The following KLHL11 variants were observed in gnomAD, a reference collection of about 807,000 sequenced individuals.
KLHL11 encodes kelch like family member 11.
In KLHL11, 26 loss-of-function variants were observed where a neutral mutation model predicts 56.1. The observed-to-expected ratio is 0.46, with a 90% CI of 0.34 to 0.64. The LOEUF is 0.64. Ranked by LOEUF, KLHL11 falls within the 30% of genes least tolerant of loss-of-function variation. The pLI is 0.01. For missense variants in KLHL11, 627 were observed against 919.4 expected (o/e 0.68, Z 4.11); for synonymous variants, 338 against 345.8 (o/e 0.98, Z 0.25).
At chr17:41,859,750 G>A (rs1555622902) in intron 1 of KLHL11, among the ~76,000 whole-genome samples, 2 of 151,960 alleles carry the variant, frequency 1.3e-5, no homozygotes, top group Non-Finnish European at 2.9e-5. Context: ...GCATGTGTAG[G>A]TTAAAAAACA....
intron 1 of KLHL11, among the ~76,000 whole-genome samples, chr17:41,863,715 T>C (rs1298268502): frequency 5.3e-5 from 8 of 152,162 alleles, no homozygotes; most frequent in Admixed American, 4.6e-4. Flanking sequence ...CCCACTGTTC[T>C]CTAACATACA....
intron 1 of KLHL11, among the ~76,000 whole-genome samples, chr17:41,860,826 C>T (rs2048397860): frequency 6.6e-6 from 1 of 152,114 alleles, no homozygotes; most frequent in African/African-American, 2.4e-5. Context: ...TGCAGTCCAA[C>T]CATTCCAATT....
At chr17:41,861,499 G>C (rs930196373) in intron 1 of KLHL11, among the ~76,000 whole-genome samples, 3 of 151,842 alleles carry the variant, frequency 2.0e-5, no homozygotes, top group African/African-American at 7.3e-5. Flanking sequence ...CAGCCTGGCC[G>C]ATACAGTGAA....
At chr17:41,859,746 G>A (rs1189690150) in intron 1 of KLHL11, among the ~76,000 whole-genome samples, 1 of 152,058 alleles carries the variant, frequency 6.6e-6, no homozygotes, top group African/African-American at 2.4e-5. Flanking sequence ...CAAAGCATGT[G>A]TAGGTTAAAA....
chr17:41,855,425 T>C (rs868964857), intron 1 of KLHL11, 104 bp from the exon 2 acceptor site: 20 of 814,802 alleles, frequency 2.5e-5, no homozygotes, highest in Middle Eastern at 7.3e-4. Flanking sequence ...GCCACCCAGG[T>C]TGGAGTGCAG....
At chr17:41,862,181 C>T (rs1478217414) in intron 1 of KLHL11, among the ~76,000 whole-genome samples, 9 of 151,776 alleles carry the variant, frequency 5.9e-5, no homozygotes, top group Admixed American at 2.0e-4. Context: ...CTCCACCTCC[C>T]GGGTTCAAGC....
At chr17:41,860,235 A>G (rs2048394188) in intron 1 of KLHL11, among the ~76,000 whole-genome samples, 1 of 152,056 alleles carries the variant, frequency 6.6e-6, no homozygotes, top group African/African-American at 2.4e-5. Flanking sequence ...TTGGAGACAA[A>G]TTCCCTTAAG....
chr17:41,857,509 GAA>G (rs1247302041), intron 1 of KLHL11, among the ~76,000 whole-genome samples: 1 of 99,058 alleles, frequency 1.0e-5, no homozygotes, highest in African/African-American at 3.8e-5. Context: ...TCTGTCTCAA[GAA>G]AAAAAAAAAA....
intron 1 of KLHL11, 112 bp downstream of exon 1, chr17:41,864,714 A>C: frequency 9.0e-7 from 1 of 1,106,508 alleles, no homozygotes; most frequent in South Asian, 1.9e-5. Context: ...AAACCAATGC[A>C]TTCACTCAGG....
chr17:41,857,165 C>A lies in KLHL11; in HGVS notation c.546-1844G>T, dbSNP rs572290061. ...AAGCTATAATCGTGCCTGTGAATAG[C>A]CACTGCACTCCAGCCTGGGCAACAT... On this transcript the variant is annotated intron_variant, in intron 1 of 1. Transcript: ENST00000319121. 3.9e-5 allele frequency among the ~76,000 whole-genome samples: 6 copies of A among 152,010 alleles called. No homozygotes were observed. In the South Asian group the frequency reaches 1.2e-3, roughly 32 times the overall value.
Position 41,851,715 on chromosome 17 carries a change from C to T in KLHL11, c.*2025G>A, listed in dbSNP as rs1347587673. Among the ~76,000 whole-genome samples, 2 of 149,642 alleles carry T rather than the reference C, an allele frequency of 1.3e-5. No individual in the cohort carries two copies. Among genetic ancestry groups the T allele is most frequent in the African/African-American group, 4.9e-5 (2 of 40,654 alleles). Reference sequence around the variant, plus strand: ...GAGCCCAGGAGTTGGAGACCAGCCTCGGCAACATGGAGAAACCCCATCTCT... The same window carrying T: ...GAGCCCAGGAGTTGGAGACCAGCCTTGGCAACATGGAGAAACCCCATCTCT... On this transcript the variant is annotated 3_prime_UTR_variant, in exon 2 of 2. Coordinates refer to ENST00000319121, the MANE Select transcript of KLHL11 (RefSeq NM_018143.3).
chr17:41,855,411 C>T (rs890991361), intron 1 of KLHL11, 90 bp from the exon 2 acceptor site: 2 of 930,382 alleles, frequency 2.1e-6, no homozygotes, highest in Admixed American at 5.6e-5. Context: ...CAGGGTCTCA[C>T]TCTGCCACCC....
rs1555623381 is a variant in KLHL11 at position 41,864,915 on chromosome 17, G to C, written c.456C>G (p.Asp152Glu). Residue 152 changes from aspartate (D) to glutamate (E), a missense_variant, in exon 1 of 2, where the codon GAC (aspartate) becomes GAG (glutamate). Physicochemically the swap from Asp to Glu is conservative, Grantham distance 45 (BLOSUM62 2). Coordinates refer to ENST00000319121, the MANE Select transcript of KLHL11 (RefSeq NM_018143.3). The part of the protein sequence containing the change: ...KWSSEPGPEP[D>E]TVEAVIEYMY... Reference sequence around the variant, plus strand: ...TGTACTCGATTACGGCTTCCACTGTGTCGGGTTCGGGCCCCGGCTCGGAGC... The same window carrying C: ...TGTACTCGATTACGGCTTCCACTGTCTCGGGTTCGGGCCCCGGCTCGGAGC... 1.2e-6 allele frequency: 2 copies of C among 1,610,850 alleles called. No homozygotes were observed. The highest frequency in any genetic ancestry group is 3.4e-5 in the Admixed American group (2 of 59,664).
At position 41,854,700 on chromosome 17, in the gene KLHL11, A is replaced by G; in HGVS notation, c.1167T>C (p.Asn389=). The G allele has an allele frequency of 6.2e-7, 1 of 1,614,144 alleles. No individual in the cohort carries two copies. Among genetic ancestry groups the G allele is most frequent in the Non-Finnish European group, 8.5e-7 (1 of 1,180,038 alleles). Residue 389 remains asparagine (N), a synonymous_variant, in exon 2 of 2, where the codon AAT becomes AAC. Coordinates refer to ENST00000319121, the MANE Select transcript of KLHL11 (RefSeq NM_018143.3). This position sits in a 1 kb window ranked among gnomAD's most constrained non-coding sequence, Gnocchi z 4.9. The part of the protein sequence containing the change: ...GYFVDEDRWV[N]LPHIHNHLDG... ...CGAGGTGATTATGAATATGTGGCAG[A>G]TTTACCCATCTGTCCTCATCAACAA...
rs782734335 is a variant in KLHL11 at position 41,865,068 on chromosome 17, G to A, written c.303C>T (p.Gly101=). 2.8e-5 allele frequency: 44 copies of A among 1,594,436 alleles called. No individual in the cohort carries two copies. In the Admixed American group the frequency reaches 4.3e-4, roughly 15 times the overall value. ...GLFCDITLCF[G]GAGGREFRAH... is the part of the protein sequence containing the mutation. Reference sequence around the variant, plus strand: ...CCCGGAACTCGCGGCCTCCAGCCCCGCCGAAGCACAGGGTAATGTCGCAGA... The same window carrying A: ...CCCGGAACTCGCGGCCTCCAGCCCCACCGAAGCACAGGGTAATGTCGCAGA... Residue 101 remains glycine (G), a synonymous_variant, in exon 1 of 2, where the codon GGC becomes GGT. Transcript: ENST00000319121.
At position 41,854,114 on chromosome 17, in the gene KLHL11, A is replaced by T; in HGVS notation, c.1753T>A (p.Ser585Thr). The T allele has an allele frequency of 6.2e-7, 1 of 1,614,192 alleles. No individual in the cohort carries two copies. Among genetic ancestry groups the T allele is most frequent in the Non-Finnish European group, 8.5e-7 (1 of 1,180,028 alleles). The part of the protein sequence containing the change: ...EAVRKIASQV[S>T]DEILESLPPE... ...GGCAAGCTTTCAAGGATCTCATCAG[A>T]CACTTGGCTGGCAATTTTTCTTACT... is the stretch of plus-strand genomic sequence containing the variant. Residue 585 changes from serine to threonine, a missense_variant, in exon 2 of 2, where the codon TCT becomes ACT. Ser to Thr is a moderately conservative substitution (Grantham distance 58). Around this residue, in one of 4 missense-constraint regions of KLHL11, gnomAD observed 250 missense variants for 360.6 expected, o/e 0.69. Coordinates refer to ENST00000319121, the MANE Select transcript of KLHL11 (RefSeq NM_018143.3). The surrounding 1 kb of genome is among the most constrained non-coding windows in gnomAD (Gnocchi z 4.9).
At chr17:41,863,873 G>A (rs890713249) in intron 1 of KLHL11, among the ~76,000 whole-genome samples, 1 of 149,180 alleles carries the variant, frequency 6.7e-6, no homozygotes, top group Non-Finnish European at 1.5e-5. Context: ...CAGTTTCTAT[G>A]TACTCCCCCC....
chr17:41,862,760 C>T (rs1167579590), intron 1 of KLHL11, among the ~76,000 whole-genome samples: 2 of 152,092 alleles, frequency 1.3e-5, no homozygotes, highest in African/African-American at 4.8e-5. Flanking sequence ...CCCCGCTGCC[C>T]CTTTTCTATG....
Position 41,848,659 on chromosome 17 carries a change from T to C in KLHL11, c.*5081A>G, listed in dbSNP as rs1429640267. The C allele has an allele frequency of 8.9e-5, 17 of 191,572 alleles. No homozygotes were observed. Among genetic ancestry groups the C allele is most frequent in the Non-Finnish European group, 1.5e-4 (14 of 91,200 alleles). The allele number at this position is 191,572 out of a possible 1,614,324, so 11.9% of individuals were successfully genotyped here. On this transcript the variant is annotated 3_prime_UTR_variant, in exon 2 of 2. Coordinates refer to ENST00000319121, the MANE Select transcript of KLHL11 (RefSeq NM_018143.3). The stretch of plus-strand genomic sequence containing the variant: ...TTCTAAATGCTACATCTCCTCTGAG[T>C]TAAGGGGAGATAGTGAAGATTATAT...
Sources: allele counts gnomAD v4.1 joint callset (sites outside exome capture counted in the v4.1 genomes callset), GRCh38; gene constraint gnomAD v4.1.1; regional missense constraint gnomAD v4.1.1; non-coding constraint Gnocchi (gnomAD v3.1); transcripts MANE v1.5; gene names NCBI Gene and HGNC (gene_info 2026-07-23, HGNC 2026-07-21).